Variants in DUSP29 observed in about 807,000 individuals in gnomAD.
The protein encoded by DUSP29 is dual specificity phosphatase 29.
DUSP29 carries 12 observed loss-of-function variants against 13.5 expected under a neutral mutation model. The ratio of observed to expected loss-of-function variants is 0.89; its 90% CI spans 0.57 to 1.44. The LOEUF (loss-of-function observed/expected upper bound fraction) is 1.44, where lower values mean the gene tolerates loss of function less well. Among genes scored for constraint, DUSP29 ranks in the 40% most tolerant of loss-of-function variants. The pLI is 0.00. For synonymous variants in DUSP29, 134 were observed against 128.7 expected (o/e 1.04, Z -0.28); for missense variants, 308 against 301.1 (o/e 1.02, Z -0.17).
chr10:75,053,543 A>G (rs985549214), intron 2 of DUSP29, among the ~76,000 whole-genome samples: 1 of 152,248 alleles, frequency 6.6e-6, no homozygotes, highest in Non-Finnish European at 1.5e-5. Flanking sequence ...CCAAGGTCAC[A>G]CAACTGGTAA....
In DUSP29 at chr10:75,058,245, G is replaced by A; in HGVS notation, c.200+70C>T. ...CAAATTCCAAAGCCCATGGCTAGGA[G>A]GTGGCGCAGGGCGTGGCCTGGGGAG... On this transcript the variant is annotated intron_variant, in intron 2 of 3. Coordinates refer to ENST00000338487, the MANE Select transcript of DUSP29 (RefSeq NM_001003892.3). 1.3e-5 allele frequency: 20 copies of A among 1,529,204 alleles called. No individual in the cohort carries two copies. The South Asian group carries it at 2.4e-4, about 18-fold the overall frequency. The allele number at this position is 1,529,204 out of a possible 1,614,324, so 94.7% of individuals were successfully genotyped here. A position where few individuals can be genotyped will look rare whatever the true frequency, so the allele number is the denominator to read the frequency against.
intron 2 of DUSP29, among the ~76,000 whole-genome samples, chr10:75,050,995 C>T (rs1846815768): frequency 6.6e-6 from 1 of 152,210 alleles, no homozygotes; most frequent in Admixed American, 6.5e-5. Context: ...CTTGGTGAAT[C>T]CCCTTGAGCT....
At chr10:75,072,377 A>G (rs1211208420) in intron 1 of DUSP29, among the ~76,000 whole-genome samples, 3 of 152,128 alleles carry the variant, frequency 2.0e-5, no homozygotes, top group Admixed American at 1.3e-4. Context: ...GCAGCTGGGT[A>G]CTGAACAAGC....
intron 2 of DUSP29, among the ~76,000 whole-genome samples, chr10:75,054,803 A>T (rs1002518184): frequency 6.6e-6 from 1 of 152,126 alleles, no homozygotes; most frequent in Non-Finnish European, 1.5e-5. Context: ...TCTTACCAAT[A>T]GGGAAACCGA....
chr10:75,062,240 G>A (rs963036599), intron 1 of DUSP29, among the ~76,000 whole-genome samples: 3 of 152,182 alleles, frequency 2.0e-5, no homozygotes, highest in Non-Finnish European at 2.9e-5. Context: ...CTTCTTGTTC[G>A]AAGTGAGTAG....
At chr10:75,056,364 C>A (rs2134295099) in intron 2 of DUSP29, among the ~76,000 whole-genome samples, 1 of 152,156 alleles carries the variant, frequency 6.6e-6, no homozygotes, top group East Asian at 1.9e-4. Context: ...CCTGTCTCTA[C>A]TAAAAATACA....
intron 1 of DUSP29, among the ~76,000 whole-genome samples, chr10:75,069,277 C>T (rs999982897): frequency 1.3e-4 from 20 of 152,280 alleles, no homozygotes; most frequent in African/African-American, 4.6e-4. Flanking sequence ...GGGAGCCGGC[C>T]GGGATGGACT....
rs777009202 is a variant in DUSP29 at position 75,037,865 on chromosome 10, C to G, written c.634G>C (p.Gly212Arg). Residue 212 changes from glycine (G) to arginine (R), a missense_variant, in exon 4 of 4, where the codon GGT (glycine) becomes CGT (arginine). Physicochemically the swap from Gly to Arg is moderately radical, Grantham distance 125. Transcript: ENST00000338487. ...AGCTCCCTGCCATCCTCCTCCTCAC[C>G]GTCCTGGCGCTGGGACCGTCGCCTC... Reference protein sequence around the residue: ...QQRRRSQRQDGEEEDGREL With the variant: ...QQRRRSQRQDREEEDGREL 5.0e-6 allele frequency: 8 copies of G among 1,610,156 alleles called. No individual in the cohort carries two copies. Among genetic ancestry groups the G allele is most frequent in the African/African-American group, 1.3e-5 (1 of 74,890 alleles).
At chr10:75,043,734 G>A (rs1377532546) in intron 3 of DUSP29, 63 bp downstream of exon 3, 1 of 1,448,948 alleles carries the variant, frequency 6.9e-7, no homozygotes, top group Non-Finnish European at 9.3e-7. Flanking sequence ...CCTAAGCTAC[G>A]GGCGGGGCGA....
At position 75,043,956 on chromosome 10, in the gene DUSP29, C is replaced by T. The variant is rs1238771864; in HGVS notation, c.262G>A (p.Ala88Thr). 1.9e-6 allele frequency: 3 copies of T among 1,613,448 alleles called. No individual in the cohort carries two copies. The highest frequency in any genetic ancestry group is 2.5e-6 in the Non-Finnish European group (3 of 1,179,928). ...KAGFTHVLNA[A>T]HGRWNVDTGP... The stretch of plus-strand genomic sequence containing the variant: ...GTGTCCACGTTCCAGCGGCCGTGGG[C>T]CGCGTTCAGCACGTGCGTGAACCCC... The change falls in exon 3 of 4, where the codon GCC (alanine) becomes ACC (threonine). Residue 88 changes from alanine (A) to threonine (T), a missense_variant. Transcript: ENST00000338487.
intron 1 of DUSP29, among the ~76,000 whole-genome samples, chr10:75,062,539 C>A (rs1016093559): frequency 3.9e-5 from 6 of 152,176 alleles, no homozygotes; most frequent in African/African-American, 2.4e-5. Flanking sequence ...GAGCTTGGCA[C>A]GCAGAGTGAG....
chr10:75,037,725 G>A lies in DUSP29; in HGVS notation c.*111C>T. 1.7e-5 allele frequency: 26 copies of A among 1,485,990 alleles called. No homozygotes were observed. The highest frequency in any genetic ancestry group is 2.1e-5 in the Non-Finnish European group (24 of 1,116,594). The allele number at this position is 1,485,990 out of a possible 1,614,324, so 92.1% of individuals were successfully genotyped here. ...ATGGGGAAGTTGAACAAGATGGTTT[G>A]GAAGAGTCGAGCTTCGGTTTCACCA... On this transcript the variant is annotated 3_prime_UTR_variant, in exon 4 of 4. Coordinates refer to ENST00000338487, the MANE Select transcript of DUSP29 (RefSeq NM_001003892.3).
chr10:75,065,194 G>A (rs1847170178), intron 1 of DUSP29, among the ~76,000 whole-genome samples: 1 of 152,156 alleles, frequency 6.6e-6, no homozygotes. Flanking sequence ...AAAATTTCAA[G>A]CTGAACTCTT....
chr10:75,042,755 C>G (rs1397880692), intron 3 of DUSP29, among the ~76,000 whole-genome samples: 3 of 152,262 alleles, frequency 2.0e-5, no homozygotes, highest in African/African-American at 4.8e-5. Flanking sequence ...CTGCAGCAGA[C>G]TATTTGGTCA....
intron 1 of DUSP29, among the ~76,000 whole-genome samples, chr10:75,068,783 AT>A (rs1462407905): frequency 6.6e-6 from 1 of 152,180 alleles, no homozygotes; most frequent in African/African-American, 2.4e-5. Flanking sequence ...ATATGTACAT[AT>A]TTTTAACTTA....
At chr10:75,049,719 G>T (rs903383883) in intron 2 of DUSP29, among the ~76,000 whole-genome samples, 11 of 152,232 alleles carry the variant, frequency 7.2e-5, no homozygotes, top group African/African-American at 2.2e-4. Flanking sequence ...GGCGGAATTA[G>T]TTCCTCCTTT....
At chr10:75,052,438 C>A (rs1329744844) in intron 2 of DUSP29, among the ~76,000 whole-genome samples, 2 of 151,892 alleles carry the variant, frequency 1.3e-5, no homozygotes, top group East Asian at 3.9e-4. Context: ...TCCCGAGTAG[C>A]TGGGATTACA....
At chr10:75,072,607 A>G (rs1847354797) in intron 1 of DUSP29, among the ~76,000 whole-genome samples, 1 of 152,060 alleles carries the variant, frequency 6.6e-6, no homozygotes, top group Admixed American at 6.6e-5. Context: ...TCATGATGAG[A>G]ACAAGGAGGG....
chr10:75,069,750 T>C (rs2134308953), intron 1 of DUSP29, among the ~76,000 whole-genome samples: 1 of 152,152 alleles, frequency 6.6e-6, no homozygotes, highest in Non-Finnish European at 1.5e-5. Context: ...CTCAAAACCT[T>C]GTAGATAGTG....
Sources: allele counts gnomAD v4.1 joint callset (sites outside exome capture counted in the v4.1 genomes callset), GRCh38; gene constraint gnomAD v4.1.1; transcripts MANE v1.5; gene names NCBI Gene and HGNC (gene_info 2026-07-23, HGNC 2026-07-21).